AKNAD1: variants seen among roughly 807,000 people sequenced by gnomAD.
The protein encoded by AKNAD1 is protein AKNAD1.
A neutral mutation model predicts 90.8 loss-of-function variants in AKNAD1; 67 were observed. The ratio of observed to expected loss-of-function variants is 0.74; its 90% CI spans 0.61 to 0.90. The LOEUF (loss-of-function observed/expected upper bound fraction) is 0.90, where lower values mean the gene tolerates loss of function less well. Among genes scored for constraint, AKNAD1 ranks in the 40% least tolerant of loss-of-function variants. The pLI, the probability that AKNAD1 is intolerant of heterozygous loss-of-function variation, is 0.00. For missense variants in AKNAD1, 957 were observed against 975.4 expected (o/e 0.98, Z 0.25); for synonymous variants, 327 against 341.4 (o/e 0.96, Z 0.46).
chr1:108,839,995 G>A (rs902535364), intron 6 of AKNAD1, among the ~76,000 whole-genome samples: 5 of 147,796 alleles, frequency 3.4e-5, no homozygotes, highest in African/African-American at 1.3e-4. Flanking sequence ...CTGCATTCCA[G>A]CCTGGACAAG....
intron 11 of AKNAD1, among the ~76,000 whole-genome samples, chr1:108,825,551 G>A (rs1663969710): frequency 6.6e-6 from 1 of 151,574 alleles, no homozygotes; most frequent in Admixed American, 6.6e-5. Context: ...TGTTTCTGTG[G>A]TTTTAATCTA....
chr1:108,852,417 T>C lies in AKNAD1; in HGVS notation c.248A>G (p.Lys83Arg). The change falls in exon 2 of 16, where the codon AAA becomes AGA. Residue 83 changes from lysine to arginine, a missense_variant. Coordinates refer to ENST00000370001, the MANE Select transcript of AKNAD1 (RefSeq NM_152763.5). ...LGKITENAAN[K>R]KDEKEKQCTA... is the part of the protein sequence containing the mutation. The stretch of plus-strand genomic sequence containing the variant: ...GCATTGTTTCTCTTTCTCGTCTTTT[T>C]TGTTGGCAGCATTTTCAGTAATTTT... 6.2e-7 allele frequency: 1 copy of C among 1,613,856 alleles called. No homozygotes were observed. Among genetic ancestry groups the C allele is most frequent in the South Asian group, 1.1e-5 (1 of 91,040 alleles).
chr1:108,846,594 C>T (rs1664708692), intron 5 of AKNAD1, among the ~76,000 whole-genome samples: 1 of 152,156 alleles, frequency 6.6e-6, no homozygotes, highest in African/African-American at 2.4e-5. Context: ...CTTCAAACCC[C>T]CTTTTCTCTT....
intron 5 of AKNAD1, 26 bp from the exon 6 acceptor site, chr1:108,843,293 A>G: frequency 1.9e-6 from 3 of 1,611,714 alleles, no homozygotes; most frequent in Non-Finnish European, 2.5e-6. Flanking sequence ...CACTGGAATC[A>G]TTCACATGCA....
At position 108,817,173 on chromosome 1, in the gene AKNAD1, T is replaced by G; in HGVS notation, c.2254A>C (p.Lys752Gln). 6.2e-7 allele frequency: 1 copy of G among 1,613,946 alleles called. No homozygotes were observed. Reference protein sequence around the residue: ...GEHEPTPGKKKLQAFMTYSSD... With the variant: ...GEHEPTPGKKQLQAFMTYSSD... ...CTGTAGGTCATGAAAGCCTGAAGTT[T>G]TTTTCTGGAAGACAAAAGCACATTG... The change falls in exon 15 of 16, where the codon AAA (lysine) becomes CAA (glutamine). Residue 752 changes from lysine to glutamine, a missense_variant. Physicochemically the swap from Lys to Gln is moderately conservative, Grantham distance 53. Transcript: ENST00000370001.
intron 1 of AKNAD1, among the ~76,000 whole-genome samples, chr1:108,853,102 G>GA (rs1557839614): frequency 1.3e-5 from 2 of 151,436 alleles, no homozygotes; most frequent in African/African-American, 4.9e-5. Flanking sequence ...AGGAACTTGG[G>GA]ATGCAAGTAA....
rs1311174562 is a variant in AKNAD1, at chr1:108,852,762, G to A, written c.-98C>T. ...TTCTCACTGACTGTCTTCACTGTGTGCTATTCTGTGTGAAATGAGAACAGC... is the reference window on the plus strand; with the variant it reads ...TTCTCACTGACTGTCTTCACTGTGTACTATTCTGTGTGAAATGAGAACAGC... On this transcript the variant is annotated 5_prime_UTR_variant, in exon 2 of 16. Transcript: ENST00000370001. The A allele has an allele frequency of 8.7e-7, 1 of 1,149,706 alleles. No individual in the cohort carries two copies. Among genetic ancestry groups the A allele is most frequent in the Non-Finnish European group, 1.2e-6 (1 of 832,346 alleles). 71.2% of individuals were successfully genotyped at this position (1,149,706 alleles called of 1,614,324 possible). A position where few individuals can be genotyped will look rare whatever the true frequency, so the allele number is the denominator to read the frequency against.
chr1:108,857,751 A>G (rs1464021412), upstream of AKNAD1, among the ~76,000 whole-genome samples: 2 of 152,198 alleles, frequency 1.3e-5, no homozygotes, highest in Non-Finnish European at 2.9e-5. Context: ...CTGCCCCTCC[A>G]CTAAGGTACC....
chr1:108,822,957 G>A, intron 13 of AKNAD1: 1 of 525,152 alleles, frequency 1.9e-6, no homozygotes, highest in Middle Eastern at 5.0e-4. Flanking sequence ...GCAACATGAT[G>A]TCTATGGAGT....
chr1:108,835,611 A>G (rs1309686851), intron 7 of AKNAD1, among the ~76,000 whole-genome samples: 1 of 150,562 alleles, frequency 6.6e-6, no homozygotes, highest in East Asian at 1.9e-4. Context: ...ACATTTCATA[A>G]TTATATGTTA....
In AKNAD1 at chr1:108,816,248, T is replaced by A. The variant is rs1339783436; in HGVS notation, c.2434A>T (p.Thr812Ser). The stretch of plus-strand genomic sequence containing the variant: ...ATCGTTTTAATCATTTGATCTGTAG[T>A]TTCTTTCAAAATGGTTGCTGTCCTT... ...ALRTATILKE[T>S]TDQMIKTIAE... The change falls in exon 16 of 16, where the codon ACT becomes TCT. Residue 812 changes from threonine (T) to serine (S), a missense_variant. Coordinates refer to ENST00000370001, the MANE Select transcript of AKNAD1 (RefSeq NM_152763.5). The A allele has an allele frequency of 1.2e-6, 2 of 1,613,858 alleles. No homozygotes were observed. The highest frequency in any genetic ancestry group is 3.3e-5 in the Admixed American group (2 of 59,994).
intron 11 of AKNAD1, among the ~76,000 whole-genome samples, chr1:108,825,151 T>C (rs930974357): frequency 6.6e-6 from 1 of 151,486 alleles, no homozygotes; most frequent in Non-Finnish European, 1.5e-5. Context: ...CCAGCCCCAG[T>C]CAAGCCCTCA....
In AKNAD1 at chr1:108,830,588, G is replaced by A; in HGVS notation, c.1809C>T (p.Ser603=). 6.2e-7 allele frequency: 1 copy of A among 1,614,068 alleles called. No homozygotes were observed. Among genetic ancestry groups the A allele is most frequent in the South Asian group, 1.1e-5 (1 of 91,082 alleles). The part of the protein sequence containing the change: ...DCAEMTAPSP[S]CAFCRRLLEW... ...CAAGGAGCCTGCGACAGAAGGCACAGCTCGGACTGGGTGCCGTCATCTCTG... is the reference window on the plus strand; with the variant it reads ...CAAGGAGCCTGCGACAGAAGGCACAACTCGGACTGGGTGCCGTCATCTCTG... Residue 603 remains serine (S), a synonymous_variant, in exon 10 of 16, where the codon AGC becomes AGT. Transcript: ENST00000370001.
intron 6 of AKNAD1, among the ~76,000 whole-genome samples, chr1:108,840,621 T>C (rs1218384033): frequency 6.6e-6 from 1 of 152,192 alleles, no homozygotes; most frequent in East Asian, 1.9e-4. Flanking sequence ...TATAATAGTT[T>C]ATGTGGATAA....
chr1:108,838,465 A>G (rs961329191), intron 6 of AKNAD1, among the ~76,000 whole-genome samples: 1 of 152,294 alleles, frequency 6.6e-6, no homozygotes, highest in South Asian at 2.1e-4. Context: ...AATGTAATGC[A>G]GTTAAAGCAG....
At chr1:108,830,507 G>T in intron 10 of AKNAD1, 52 bp downstream of exon 10, 1 of 1,555,562 alleles carries the variant, frequency 6.4e-7, no homozygotes, top group Non-Finnish European at 8.9e-7. Context: ...GAGTTACTAT[G>T]CCAGGACTGA....
At chr1:108,828,101 A>G (rs1664070535) in intron 10 of AKNAD1, among the ~76,000 whole-genome samples, 2 of 151,378 alleles carry the variant, frequency 1.3e-5, no homozygotes, top group Admixed American at 1.3e-4. Context: ...CAAACAAACA[A>G]ACAAACAAAC....
chr1:108,849,204 G>T, intron 3 of AKNAD1, 144 bp from the exon 4 acceptor site: 1 of 762,084 alleles, frequency 1.3e-6, no homozygotes, highest in Non-Finnish European at 2.0e-6. Context: ...ATCTAGGCCA[G>T]GCACAGTGGC....
At chr1:108,843,094 C>G (rs367900873) in intron 6 of AKNAD1, 40 bp downstream of exon 6, 24 of 1,607,322 alleles carry the variant, frequency 1.5e-5, no homozygotes, top group Non-Finnish European at 1.9e-5. Flanking sequence ...AGGAGATCAC[C>G]TTTGACCCTT....
Sources: gnomAD v4.1 joint callset for allele counts (sites outside exome capture counted in the v4.1 genomes callset) on GRCh38, gnomAD v4.1.1 for gene constraint, MANE v1.5 for transcripts, NCBI Gene and HGNC (gene_info 2026-07-23, HGNC 2026-07-21) for gene names.